Variants in PIK3CB observed in about 807,000 individuals in gnomAD.
PIK3CB encodes phosphatidylinositol 4,5-bisphosphate 3-kinase catalytic subunit beta isoform.
A neutral mutation model predicts 136.8 loss-of-function variants in PIK3CB; 39 were observed. That is an observed-to-expected ratio of 0.29 (90% confidence interval 0.22 to 0.37). The LOEUF is 0.37. PIK3CB is among the 10% of genes least tolerant of loss of function. The pLI is 1.00. For synonymous variants in PIK3CB, 428 were observed against 436.6 expected, an observed-to-expected ratio of 0.98 and a Z score of 0.25; for missense variants, 868 against 1,275.4, an observed-to-expected ratio of 0.68 and a Z score of 4.87.
intron 10 of PIK3CB, among the ~76,000 whole-genome samples, chr3:138,708,676 C>T (rs748778579): frequency 1.2e-4 from 18 of 151,370 alleles, no homozygotes; most frequent in Non-Finnish European, 1.8e-4. Context: ...CTCCTAGCCC[C>T]AAACGATCCT....
intron 12 of PIK3CB, among the ~76,000 whole-genome samples, chr3:138,700,162 C>G (rs1165680216): frequency 3.9e-5 from 6 of 152,160 alleles, no homozygotes; most frequent in Non-Finnish European, 8.8e-5. Flanking sequence ...GTTGAGGCTG[C>G]AGTGAGCCAT....
chr3:138,804,810 G>T (rs1351791465), intron 1 of PIK3CB, among the ~76,000 whole-genome samples: 1 of 152,044 alleles, frequency 6.6e-6, no homozygotes, highest in East Asian at 1.9e-4. Context: ...GGATCACGAG[G>T]TCAGGAGATC....
intron 2 of PIK3CB, among the ~76,000 whole-genome samples, chr3:138,773,606 T>C (rs752375195): frequency 1.3e-5 from 2 of 152,122 alleles, no homozygotes; most frequent in Non-Finnish European, 2.9e-5. Flanking sequence ...GTCCTTGAAA[T>C]GGAAAAAAAA....
At chr3:138,807,003 G>A (rs1326330825) in intron 1 of PIK3CB, among the ~76,000 whole-genome samples, 1 of 152,194 alleles carries the variant, frequency 6.6e-6, no homozygotes, top group Non-Finnish European at 1.5e-5. Context: ...CATACATATG[G>A]ATGTGTTAAC....
intron 21 of PIK3CB, among the ~76,000 whole-genome samples, chr3:138,662,089 CT>C (rs900356836): frequency 1.0e-3 from 136 of 136,478 alleles, no homozygotes; most frequent in Non-Finnish European, 1.1e-3. Context: ...TTCATCCCAA[CT>C]TTTTTTTTTT....
rs1404277493 is a variant in PIK3CB at position 138,755,941 on chromosome 3, G to A, written c.210C>T (p.Asn70=). Residue 70 remains asparagine (N), a synonymous_variant, in exon 4 of 24, where the codon AAC becomes AAT. Transcript: ENST00000674063. ...WKQVHNYPMF[N]LLMDIDSYMF... The stretch of plus-strand genomic sequence containing the variant: ...TATAGGAGTCAATATCCATAAGGAG[G>A]TTGAACATTGGGTAATTGTGAACTT... 1.2e-6 allele frequency: 2 copies of A among 1,609,402 alleles called. No individual in the cohort carries two copies. Among genetic ancestry groups the A allele is most frequent in the African/African-American group, 1.3e-5 (1 of 74,772 alleles).
At chr3:138,721,116 C>A (rs1007179576) in intron 8 of PIK3CB, among the ~76,000 whole-genome samples, 1 of 151,992 alleles carries the variant, frequency 6.6e-6, no homozygotes, top group Admixed American at 6.6e-5. Flanking sequence ...GGGGAGAGGG[C>A]AGTGCCATCT....
At chr3:138,657,201 A>G (rs1038272780) in intron 22 of PIK3CB, 2 of 153,840 alleles carry the variant, frequency 1.3e-5, no homozygotes, top group African/African-American at 4.8e-5. Flanking sequence ...GTTACATGAT[A>G]TGTCTCTAAC....
chr3:138,679,372 GA>G (rs2043714062), intron 19 of PIK3CB, among the ~76,000 whole-genome samples: 1 of 152,026 alleles, frequency 6.6e-6, no homozygotes, highest in East Asian at 1.9e-4. Context: ...TGTTGCCCAG[GA>G]TAGTCTTGAA....
intron 12 of PIK3CB, among the ~76,000 whole-genome samples, chr3:138,699,345 T>G (rs1046578969): frequency 7.9e-5 from 12 of 152,110 alleles, no homozygotes; most frequent in African/African-American, 2.4e-4. Context: ...GTATTGCTTT[T>G]TGGATAAAAA....
chr3:138,769,405 A>G (rs891328929), intron 2 of PIK3CB, among the ~76,000 whole-genome samples: 1 of 152,218 alleles, frequency 6.6e-6, no homozygotes, highest in Non-Finnish European at 1.5e-5. Context: ...AGAAGCTCTA[A>G]GTCAAGAAAA....
intron 6 of PIK3CB, among the ~76,000 whole-genome samples, chr3:138,736,660 T>C (rs536552987): frequency 1.3e-5 from 2 of 152,330 alleles, no homozygotes; most frequent in African/African-American, 4.8e-5. Flanking sequence ...GCACATAGCA[T>C]ATTTAAACTC....
chr3:138,687,005 G>A (rs1323064869), intron 16 of PIK3CB, among the ~76,000 whole-genome samples: 1 of 152,196 alleles, frequency 6.6e-6, no homozygotes, highest in Non-Finnish European at 1.5e-5. Context: ...CTTTTTACAA[G>A]TATGTGAAAT....
chr3:138,767,255 A>G (rs144914689), intron 2 of PIK3CB, among the ~76,000 whole-genome samples: 1 of 152,242 alleles, frequency 6.6e-6, no homozygotes, highest in African/African-American at 2.4e-5. Context: ...AATCATGTTT[A>G]TATAAGACTT....
intron 21 of PIK3CB, among the ~76,000 whole-genome samples, chr3:138,663,050 T>G (rs942742521): frequency 4.6e-5 from 7 of 152,044 alleles, no homozygotes; most frequent in Non-Finnish European, 1.0e-4. Context: ...AAAGCCAAAA[T>G]TGACAAATGG....
rs781589028 is a variant in PIK3CB at position 138,656,208 on chromosome 3, G to A, written c.3009C>T (p.Leu1003=). 2 of 1,614,104 alleles carry A rather than the reference G, an allele frequency of 1.2e-6. No homozygotes were observed. Among genetic ancestry groups the A allele is most frequent in the South Asian group, 2.2e-5 (2 of 91,074 alleles). Reference sequence around the variant, plus strand: ...GCCCTGCAGTCAACATCAGCGCAAAGAGAGTGATGAAGAGATTCCCATGCC... The same window carrying A: ...GCCCTGCAGTCAACATCAGCGCAAAAAGAGTGATGAAGAGATTCCCATGCC... ...LRRHGNLFIT[L]FALMLTAGLP... The change falls in exon 23 of 24, where the codon CTC becomes CTT. Residue 1003 remains leucine, a synonymous_variant. Coordinates refer to ENST00000674063, the MANE Select transcript of PIK3CB (RefSeq NM_006219.3).
chr3:138,663,304 T>TC (rs1365229305), intron 21 of PIK3CB, among the ~76,000 whole-genome samples: 1 of 152,232 alleles, frequency 6.6e-6, no homozygotes, highest in Admixed American at 6.5e-5. Context: ...CATTATCCGC[T>TC]CCTTCTGTTA....
At chr3:138,831,281 A>AAATTAAATTAAATTAAATT (rs1553745244) in intron 1 of PIK3CB, among the ~76,000 whole-genome samples, 4 of 148,282 alleles carry the variant, frequency 2.7e-5, no homozygotes, top group African/African-American at 7.6e-5. Flanking sequence ...AAAATAAAAT[A>AAATTAAATTAAATTAAATT]AAATTAAATT....
In PIK3CB at chr3:138,784,037, A is replaced by G. The variant is rs1401547980; in HGVS notation, c.-17+12426T>C. Among the ~76,000 whole-genome samples the G allele has an allele frequency of 3.9e-5, 6 of 152,324 alleles. No homozygotes were observed. The South Asian group carries it at 1.2e-3, about 32-fold the overall frequency. ...TGCTTATGGGAGAATAAACTGATTTAACCTCTTCCAAAGGGAGTTTAGCAT... is the reference window on the plus strand; with the variant it reads ...TGCTTATGGGAGAATAAACTGATTTGACCTCTTCCAAAGGGAGTTTAGCAT... On this transcript the variant is annotated intron_variant, in intron 2 of 23. Coordinates refer to ENST00000674063, the MANE Select transcript of PIK3CB (RefSeq NM_006219.3).
Sources: gnomAD v4.1 joint callset for allele counts (sites outside exome capture counted in the v4.1 genomes callset) on GRCh38, gnomAD v4.1.1 for gene constraint, MANE v1.5 for transcripts, NCBI Gene and HGNC (gene_info 2026-07-23, HGNC 2026-07-21) for gene names.